Variants in MEIOB observed in about 807,000 individuals in gnomAD.
MEIOB encodes the protein meiosis-specific with OB domain-containing protein.
MEIOB carries 50 observed loss-of-function variants against 53.1 expected under a neutral mutation model. The observed-to-expected ratio is 0.94, with a 90% confidence interval of 0.75 to 1.19. The LOEUF (loss-of-function observed/expected upper bound fraction) is 1.19, where lower values mean the gene tolerates loss of function less well. MEIOB is among the 50% of genes most tolerant of loss of function. The pLI is 0.00. For synonymous variants in MEIOB, 192 were observed against 182.5 expected, an observed-to-expected ratio of 1.05 and a Z score of -0.42; for missense variants, 551 against 550.8, an observed-to-expected ratio of 1.00 and a Z score of 0.00.
chr16:1,853,165 TACATGGGAGGATATAAATG>T (rs1476320329), intron 8 of MEIOB, 31 bp from the exon 9 acceptor site: 1 of 1,579,004 alleles, frequency 6.3e-7, no homozygotes, highest in African/African-American at 1.3e-5. Flanking sequence ...TTAAAATTAT[TACATGGGAGGATATAAATG>T]ACAAATATTG....
intron 9 of MEIOB, among the ~76,000 whole-genome samples, chr16:1,851,006 G>A (rs889546243): frequency 1.3e-5 from 2 of 152,100 alleles, no homozygotes; most frequent in African/African-American, 2.4e-5. Context: ...GAAGAGTGTT[G>A]CACTGTTGTC....
chr16:1,848,542 TC>T (rs1482457059), intron 9 of MEIOB, among the ~76,000 whole-genome samples: 7 of 138,128 alleles, frequency 5.1e-5, no homozygotes, highest in South Asian at 2.4e-4. Flanking sequence ...TTTTTTTTTT[TC>T]CTTTTTTTTT....
At chr16:1,852,776 G>C (rs1426597581) in intron 9 of MEIOB, among the ~76,000 whole-genome samples, 1 of 151,574 alleles carries the variant, frequency 6.6e-6, no homozygotes, top group Non-Finnish European at 1.5e-5. Context: ...GTCTGGTCTT[G>C]AACTCCTGAC....
rs762632984 is a variant in MEIOB at position 1,869,096 on chromosome 16, GTTTTA to G, written c.-9-917_-9-913del. On this transcript the variant is annotated intron_variant, in intron 1 of 13. Transcript: ENST00000325962. ...AGTTTTTGAGCACCATGTAAATTTA[GTTTTA>G]TTTTATTTTTTAATTTTGTTTTAAC... Among the ~76,000 whole-genome samples the G allele has an allele frequency of 4.6e-5, 7 of 152,062 alleles. No individual in the cohort carries two copies. The East Asian group carries it at 5.8e-4, about 13-fold the overall frequency.
At chr16:1,866,473 C>A (rs1329522254) in intron 2 of MEIOB, among the ~76,000 whole-genome samples, 2 of 152,118 alleles carry the variant, frequency 1.3e-5, no homozygotes, top group Non-Finnish European at 2.9e-5. Flanking sequence ...GTAATCCCAG[C>A]ACTCTGGGAG....
At chr16:1,852,955 T>C in intron 9 of MEIOB, 84 bp downstream of exon 9, 1 of 865,764 alleles carries the variant, frequency 1.2e-6, no homozygotes, top group Non-Finnish European at 1.8e-6. Context: ...CCAGGCTGAA[T>C]TTTCATTCTT....
intron 10 of MEIOB, among the ~76,000 whole-genome samples, chr16:1,844,444 CTTTTATTT>C (rs540426692): frequency 8.1e-4 from 123 of 151,778 alleles, no homozygotes; most frequent in African/African-American, 2.7e-3. Context: ...TATTGTGTTT[CTTTTATTT>C]TTTTATTTTT....
chr16:1,860,534 A>T, intron 4 of MEIOB, 59 bp from the exon 5 acceptor site: 1 of 961,958 alleles, frequency 1.0e-6, no homozygotes, highest in African/African-American at 1.6e-5. Flanking sequence ...AAACACTAAC[A>T]TCCTAAATAA....
At position 1,841,893 on chromosome 16, in the gene MEIOB, A is replaced by G. The variant is rs996360942; in HGVS notation, c.961T>C (p.Tyr321His). The G allele has an allele frequency of 3.7e-6, 6 of 1,608,694 alleles. No individual in the cohort carries two copies. Among genetic ancestry groups the G allele is most frequent in the South Asian group, 2.2e-5 (2 of 89,644 alleles). ...GAAATGTAGGCATAAAGGATGCCAT[A>G]GGAAGGATCAGCTTTTCCTTCATTC... The part of the protein sequence containing the change: ...LKNEGKADPS[Y>H]GILYAYISTL... The change falls in exon 11 of 14, where the codon TAT becomes CAT. Residue 321 changes from tyrosine to histidine, a missense_variant. By Grantham distance (83) the Tyr-to-His change is moderately conservative. Coordinates refer to ENST00000325962, the MANE Select transcript of MEIOB (RefSeq NM_001163560.3).
chr16:1,860,507 C>T, intron 4 of MEIOB, 32 bp from the exon 5 acceptor site: 2 of 1,216,584 alleles, frequency 1.6e-6, no homozygotes, highest in South Asian at 1.3e-5. Context: ...GATGATATTA[C>T]AAAACAGTAA....
chr16:1,839,218 G>C, intron 12 of MEIOB, 37 bp downstream of exon 12: 1 of 1,515,142 alleles, frequency 6.6e-7, no homozygotes, highest in Non-Finnish European at 8.9e-7. Flanking sequence ...ATTCACTTTG[G>C]AAATATTCTA....
chr16:1,853,314 G>C (rs1380403000), intron 7 of MEIOB, 43 bp from the exon 8 acceptor site: 1 of 1,357,820 alleles, frequency 7.4e-7, no homozygotes, highest in South Asian at 1.3e-5. Flanking sequence ...GAATACACTA[G>C]AAAAAACTGA....
chr16:1,858,050 T>C (rs1441496894), intron 5 of MEIOB, 120 bp from the exon 6 acceptor site: 1 of 642,674 alleles, frequency 1.6e-6, no homozygotes, highest in African/African-American at 1.8e-5. Context: ...TATATACTTT[T>C]TACTCTTAGA....
chr16:1,860,396 T>C lies in MEIOB; in HGVS notation c.332+7A>G. 4 of 1,478,746 alleles carry C rather than the reference T, an allele frequency of 2.7e-6. No individual in the cohort carries two copies. The highest frequency in any genetic ancestry group is 1.7e-4 in the Middle Eastern group (1 of 5,848). 91.6% of individuals were successfully genotyped at this position (1,478,746 alleles called of 1,614,324 possible). On this transcript the variant is annotated splice_region_variant and intron_variant, in intron 5 of 13. Coordinates refer to ENST00000325962, the MANE Select transcript of MEIOB (RefSeq NM_001163560.3). Reference sequence around the variant, plus strand: ...TCGCACAATCTCTGTGCTAGACAGATGCTTACCTAGGAGTTGCAGGGCTGA... The same window carrying C: ...TCGCACAATCTCTGTGCTAGACAGACGCTTACCTAGGAGTTGCAGGGCTGA...
At chr16:1,838,148 T>C in intron 12 of MEIOB, 1 of 528,362 alleles carries the variant, frequency 1.9e-6, no homozygotes, top group Non-Finnish European at 3.4e-6. Context: ...TGCACTACTC[T>C]TCTCTGGCTA....
At position 1,844,944 on chromosome 16, in the gene MEIOB, A is replaced by G; in HGVS notation, c.798T>C (p.Ile266=). ...TATTTTCTCGTATAAAATTCAGCAG[A>G]ATGTTAGCTTCTGGTATATCTTAAA... is the stretch of plus-strand genomic sequence containing the variant. ...TTNPDIPEAN[I]LLNFIRENKE... The change falls in exon 10 of 14, where the codon ATT becomes ATC. Residue 266 remains isoleucine (I), a synonymous_variant. Coordinates refer to ENST00000325962, the MANE Select transcript of MEIOB (RefSeq NM_001163560.3). 1 of 1,531,622 alleles carries G rather than the reference A, an allele frequency of 6.5e-7. No individual in the cohort carries two copies. The highest frequency in any genetic ancestry group is 9.0e-7 in the Non-Finnish European group (1 of 1,113,312). The allele number at this position is 1,531,622 out of a possible 1,614,324, so 94.9% of individuals were successfully genotyped here.
rs763075708 is a variant in MEIOB at position 1,853,143 on chromosome 16, GA to G, written c.683-10del. ...ATCTGAGGCAAATATTACTGTTTGG[GA>G]AAAAAGCCATTTAAAATTATTACAT... On this transcript the variant is annotated splice_polypyrimidine_tract_variant and intron_variant, in intron 8 of 13. Coordinates refer to ENST00000325962, the MANE Select transcript of MEIOB (RefSeq NM_001163560.3). The G allele has an allele frequency of 1.9e-6, 3 of 1,603,358 alleles. No individual in the cohort carries two copies. Among genetic ancestry groups the G allele is most frequent in the South Asian group, 1.1e-5 (1 of 90,218 alleles).
chr16:1,846,939 G>C (rs62038440), intron 9 of MEIOB, among the ~76,000 whole-genome samples: 26,579 of 151,722 alleles, frequency 0.18, 2,458 homozygotes, highest in South Asian at 0.26. Flanking sequence ...GGCGGATCAC[G>C]AGGTCAGGAG....
At chr16:1,848,096 C>T (rs1742414) in intron 9 of MEIOB, among the ~76,000 whole-genome samples, 66,283 of 151,544 alleles carry the variant, frequency 0.44, 14,957 homozygotes, top group South Asian at 0.63. Context: ...CACAGGCACG[C>T]GCCACCATGC....
Sources: allele counts gnomAD v4.1 joint callset (sites outside exome capture counted in the v4.1 genomes callset), GRCh38; gene constraint gnomAD v4.1.1; transcripts MANE v1.5; gene names NCBI Gene and HGNC (gene_info 2026-07-23, HGNC 2026-07-21).